Variants in JUP observed in about 807,000 individuals in gnomAD.
The protein encoded by JUP is catenin (cadherin-associated protein), gamma 80kDa.
In JUP, 28 loss-of-function variants were observed where a neutral mutation model predicts 71.1. That is an observed-to-expected ratio of 0.39 (90% CI 0.29 to 0.54). JUP has a LOEUF of 0.54. Among genes scored for constraint, JUP ranks in the 20% least tolerant of loss-of-function variants. JUP has a pLI of 0.62. For missense variants in JUP, 869 were observed against 1,030.1 expected, an observed-to-expected ratio of 0.84 and a Z score of 2.14; for synonymous variants, 401 against 438.9, an observed-to-expected ratio of 0.91 and a Z score of 1.08.
intron 1 of JUP, among the ~76,000 whole-genome samples, chr17:41,782,912 C>T (rs2047238653): frequency 1.3e-5 from 2 of 152,104 alleles, no homozygotes; most frequent in South Asian, 2.1e-4. Context: ...TCCTGACCAA[C>T]ATGGTGAAAC....
chr17:41,758,947 C>G, intron 8 of JUP, 77 bp from the exon 9 acceptor site: 1 of 1,428,602 alleles, frequency 7.0e-7, no homozygotes, highest in South Asian at 1.3e-5. Context: ...TTCAAGTATC[C>G]CTTCCCTCCT....
At chr17:41,762,364 G>A (rs181486894) in intron 8 of JUP, among the ~76,000 whole-genome samples, 53 of 151,598 alleles carry the variant, frequency 3.5e-4, no homozygotes, top group Admixed American at 7.3e-4. Flanking sequence ...TGGAACTACA[G>A]ATGTGAGCCA....
chr17:41,762,644 T>A, intron 8 of JUP, among the ~76,000 whole-genome samples: 1 of 152,096 alleles, frequency 6.6e-6, no homozygotes, highest in Non-Finnish European at 1.5e-5. Flanking sequence ...CAAGCAATCC[T>A]CCTACCTTTG....
At chr17:41,780,443 C>CGG (rs2047104767) in intron 1 of JUP, among the ~76,000 whole-genome samples, 2 of 151,986 alleles carry the variant, frequency 1.3e-5, no homozygotes, top group African/African-American at 2.4e-5. Flanking sequence ...CCTGTAATCC[C>CGG]AGCACTTTGG....
chr17:41,783,625 A>G (rs2047285520), intron 1 of JUP, among the ~76,000 whole-genome samples: 1 of 151,950 alleles, frequency 6.6e-6, no homozygotes, highest in Non-Finnish European at 1.5e-5. Flanking sequence ...TAGTTAATGA[A>G]AGTGCTTGGT....
rs558315366 is a variant in JUP, at chr17:41,756,227, A to G, written c.2047-13T>C. The stretch of plus-strand genomic sequence containing the variant: ...TCATGCTCTGGGCCTGAAAAAGGAG[A>G]GAGAAACATGGAGGGGAGGTTTGAA... On this transcript the variant is annotated splice_polypyrimidine_tract_variant and intron_variant, in intron 12 of 13. Transcript: ENST00000393931. 1 of 1,613,496 alleles carries G rather than the reference A, an allele frequency of 6.2e-7. No homozygotes were observed. Among genetic ancestry groups the G allele is most frequent in the African/African-American group, 1.3e-5 (1 of 74,986 alleles).
chr17:41,766,452 G>A (rs955064259), intron 5 of JUP, among the ~76,000 whole-genome samples: 24 of 152,198 alleles, frequency 1.6e-4, no homozygotes, highest in African/African-American at 5.8e-4. Flanking sequence ...CAGGCACAGT[G>A]GCTCACACCT....
At chr17:41,771,411 C>A in intron 2 of JUP, 1 of 593,520 alleles carries the variant, frequency 1.7e-6, no homozygotes, top group South Asian at 2.0e-5. Flanking sequence ...AGGGCAGGGA[C>A]TATGCCTTCC....
At chr17:41,780,172 C>T (rs187263836) in intron 1 of JUP, among the ~76,000 whole-genome samples, 2 of 147,832 alleles carry the variant, frequency 1.4e-5, no homozygotes, top group East Asian at 4.2e-4. Context: ...TGAGATGGGA[C>T]AAATGCTTGA....
intron 1 of JUP, among the ~76,000 whole-genome samples, chr17:41,782,161 T>G (rs1429409065): frequency 6.6e-6 from 1 of 152,114 alleles, no homozygotes. Flanking sequence ...AGATGTCCAG[T>G]TGGCAGAGAC....
chr17:41,775,607 T>G (rs1239307953), intron 1 of JUP, among the ~76,000 whole-genome samples: 2 of 152,098 alleles, frequency 1.3e-5, no homozygotes, highest in Non-Finnish European at 2.9e-5. Flanking sequence ...TGCCCACTCA[T>G]CCCAGCCAGA....
chr17:41,758,156 A>G, intron 10 of JUP: 1 of 543,380 alleles, frequency 1.8e-6, no homozygotes, highest in South Asian at 2.8e-5. Flanking sequence ...ATATGGTTGA[A>G]TCTCAAGTTT....
Position 41,769,551 on chromosome 17 carries a change from T to C in JUP, c.335A>G (p.Asn112Ser), listed in dbSNP as rs372364561. Residue 112 changes from asparagine to serine, a missense_variant, in exon 3 of 14, where the codon AAC becomes AGC. Coordinates refer to ENST00000393931, the MANE Select transcript of JUP (RefSeq NM_002230.4). ...GGACGGCTCGGCCAGTCGCTGCAGG[T>C]TGGTGGCCTGCCCCTCCACCTGGGT... ...LATQVEGQAT[N>S]LQRLAEPSQL... 2.7e-5 allele frequency: 44 copies of C among 1,608,632 alleles called. No homozygotes were observed. In the South Asian group the frequency reaches 3.2e-4, roughly 12 times the overall value.
chr17:41,773,128 C>T (rs966684814), intron 1 of JUP, among the ~76,000 whole-genome samples: 4 of 152,216 alleles, frequency 2.6e-5, no homozygotes, highest in Non-Finnish European at 2.9e-5. Flanking sequence ...TTGCACATCC[C>T]GGCGCAGCCT....
At chr17:41,780,595 T>G (rs1376965664) in intron 1 of JUP, among the ~76,000 whole-genome samples, 1 of 151,268 alleles carries the variant, frequency 6.6e-6, no homozygotes, top group African/African-American at 2.4e-5. Context: ...CTTAGGAGGA[T>G]GAGGCAGGAG....
In JUP at chr17:41,766,625, C is replaced by T. The variant is rs570991005; in HGVS notation, c.909+754G>A. ...ATCCCAGCATTTTATGAGGCCGAGG[C>T]AGATGGACAACCTAAGGTCAAGAGT... On this transcript the variant is annotated intron_variant, in intron 5 of 13. Coordinates refer to ENST00000393931, the MANE Select transcript of JUP (RefSeq NM_002230.4). Among the ~76,000 whole-genome samples, 8 of 152,118 alleles carry T rather than the reference C, an allele frequency of 5.3e-5. No individual in the cohort carries two copies. The South Asian group carries it at 1.7e-3, about 32-fold the overall frequency.
intron 2 of JUP, among the ~76,000 whole-genome samples, chr17:41,770,513 G>A (rs911214461): frequency 6.6e-6 from 1 of 152,138 alleles, no homozygotes; most frequent in East Asian, 1.9e-4. Flanking sequence ...ACAGTGCCTG[G>A]CCCTGCCAGC....
intron 1 of JUP, 48 bp from the exon 2 acceptor site, chr17:41,771,910 A>G: frequency 6.7e-7 from 1 of 1,491,442 alleles, no homozygotes; most frequent in African/African-American, 1.4e-5. Flanking sequence ...CACCTGGCCC[A>G]GCCCCCAGCT....
intron 8 of JUP, among the ~76,000 whole-genome samples, chr17:41,761,497 A>G (rs1362155359): frequency 6.6e-6 from 1 of 152,162 alleles, no homozygotes; most frequent in Admixed American, 6.6e-5. Context: ...TCCATGGAGC[A>G]GCACCTGCGA....
Sources: allele counts gnomAD v4.1 joint callset (sites outside exome capture counted in the v4.1 genomes callset), GRCh38; gene constraint gnomAD v4.1.1; transcripts MANE v1.5; gene names NCBI Gene and HGNC (gene_info 2026-07-23, HGNC 2026-07-21).